Variants in VWF observed in about 807,000 individuals in gnomAD.
VWF encodes the protein von Willebrand factor, also known as Factor VIII related antigen.
Under a neutral mutation model 308.6 loss-of-function variants are expected in VWF, and 176 were observed. That is an observed-to-expected ratio of 0.57 (90% confidence interval 0.50 to 0.65). The LOEUF is 0.65. Among genes scored for constraint, VWF ranks in the 30% least tolerant of loss-of-function variants. The pLI is 0.00. For missense variants in VWF, 3,146 were observed against 3,648.2 expected (o/e 0.86, Z 3.55); for synonymous variants, 1,385 against 1,443.4 (o/e 0.96, Z 0.92).
chr12:6,000,545 C>T (rs767577491), intron 34 of VWF, among the ~76,000 whole-genome samples: 5 of 152,056 alleles, frequency 3.3e-5, no homozygotes, highest in Non-Finnish European at 5.9e-5. Flanking sequence ...CGGTGGCTCA[C>T]GCCTGGAATC....
At position 6,037,697 on chromosome 12, in the gene VWF, G is replaced by A. The variant is rs543103534; in HGVS notation, c.2443-1206C>T. 5.9e-5 allele frequency among the ~76,000 whole-genome samples: 9 copies of A among 152,282 alleles called. No individual in the cohort carries two copies. The East Asian group carries it at 1.7e-3, about 29-fold the overall frequency. On this transcript the variant is annotated intron_variant, in intron 18 of 51. Transcript: ENST00000261405. ...AGGCCTGGGTCACCCCCAGGTGAAGGACTGTGGCACCTTGGCTCCAGAGCT... is the reference window on the plus strand; with the variant it reads ...AGGCCTGGGTCACCCCCAGGTGAAGAACTGTGGCACCTTGGCTCCAGAGCT...
intron 6 of VWF, among the ~76,000 whole-genome samples, chr12:6,078,506 A>G (rs1944870224): frequency 6.6e-6 from 1 of 152,216 alleles, no homozygotes; most frequent in Non-Finnish European, 1.5e-5. Flanking sequence ...AGGGTGTCCC[A>G]GAGAGGGTCA....
chr12:6,070,910 C>T (rs1384551489), intron 10 of VWF, among the ~76,000 whole-genome samples: 1 of 152,212 alleles, frequency 6.6e-6, no homozygotes, highest in African/African-American at 2.4e-5. Context: ...ACTGTCCCTT[C>T]AAGCCTAAAG....
chr12:6,120,613 C>T (rs1212757431), intron 3 of VWF, among the ~76,000 whole-genome samples: 3 of 152,072 alleles, frequency 2.0e-5, no homozygotes, highest in Non-Finnish European at 4.4e-5. Flanking sequence ...TCAGCTCCAC[C>T]TTTTATTGTC....
At chr12:6,106,649 C>T (rs147612002) in intron 5 of VWF, among the ~76,000 whole-genome samples, 53 of 151,990 alleles carry the variant, frequency 3.5e-4, no homozygotes, top group Middle Eastern at 3.4e-3. Flanking sequence ...TAAGCGGAGG[C>T]GGATCACCTG....
intron 8 of VWF, among the ~76,000 whole-genome samples, chr12:6,073,298 TC>T (rs1485350055): frequency 1.3e-5 from 2 of 152,152 alleles, no homozygotes; most frequent in Admixed American, 1.3e-4. Context: ...CCAGATCGGT[TC>T]CCTGACACAC....
intron 6 of VWF, among the ~76,000 whole-genome samples, chr12:6,088,407 A>G (rs193083544): frequency 0.011 from 1,585 of 148,486 alleles, 35 homozygotes; most frequent in African/African-American, 0.035. Flanking sequence ...TGAACCCGGG[A>G]GGCGGAGCTT....
Position 5,993,851 on chromosome 12 carries a change from T to TG in VWF, c.6598+10dup, listed in dbSNP as rs1354615271. 2 of 1,611,836 alleles carry TG rather than the reference T, an allele frequency of 1.2e-6. No individual in the cohort carries two copies. Among genetic ancestry groups the TG allele is most frequent in the South Asian group, 2.2e-5 (2 of 91,054 alleles). On this transcript the variant is annotated intron_variant, in intron 37 of 51. Coordinates refer to ENST00000261405, the MANE Select transcript of VWF (RefSeq NM_000552.5). ...GTCTCCAGGATTTTCAGAGGTAACTTGGAGACTCACCACAGAAATCAGGTG... is the reference window on the plus strand; with the variant it reads ...GTCTCCAGGATTTTCAGAGGTAACTTGGGAGACTCACCACAGAAATCAGGTG...
At chr12:6,093,826 GT>G (rs1945076760) in intron 6 of VWF, among the ~76,000 whole-genome samples, 1 of 152,228 alleles carries the variant, frequency 6.6e-6, no homozygotes, top group South Asian at 2.1e-4. Flanking sequence ...TGAAGGCAGA[GT>G]GTGGTCTGGC....
intron 30 of VWF, 126 bp from the exon 31 acceptor site, chr12:6,016,358 G>C (rs1944056805): frequency 6.7e-7 from 1 of 1,490,688 alleles, no homozygotes; most frequent in African/African-American, 1.4e-5. Flanking sequence ...ACCCAGTTGA[G>C]ATCTGGAGAG....
intron 5 of VWF, among the ~76,000 whole-genome samples, chr12:6,108,372 A>T (rs1591923072): frequency 9.6e-6 from 1 of 104,378 alleles, no homozygotes; most frequent in Non-Finnish European, 2.5e-5. Flanking sequence ...CACACAAAGC[A>T]AAATTTGACA....
intron 34 of VWF, among the ~76,000 whole-genome samples, chr12:6,007,778 C>G (rs1739867950): frequency 6.6e-6 from 1 of 151,780 alleles, no homozygotes; most frequent in South Asian, 2.1e-4. Context: ...TTTTAAAGGT[C>G]AACAAAATTA....
At chr12:6,026,173 G>C (rs1309950430) in intron 22 of VWF, 127 bp from the exon 23 acceptor site, 2 of 1,374,296 alleles carry the variant, frequency 1.5e-6, no homozygotes, top group African/African-American at 1.4e-5. Flanking sequence ...GGAGGAGCGG[G>C]ACAGAGACTC....
intron 10 of VWF, among the ~76,000 whole-genome samples, chr12:6,066,409 T>C (rs892757507): frequency 1.3e-5 from 2 of 152,152 alleles, no homozygotes; most frequent in Non-Finnish European, 2.9e-5. Context: ...AAAAGAAATA[T>C]ATATAGAGAG....
Position 6,071,301 on chromosome 12 carries a change from A to G in VWF, c.1152T>C (p.Cys384=), listed in dbSNP as rs1468660629. The change falls in exon 10 of 52, where the codon TGT becomes TGC. Residue 384 remains cysteine, a synonymous_variant. Transcript: ENST00000261405. The part of the protein sequence containing the change: ...NSQWICSNEE[C]PGECLVTGQS... ...AATGAGCGGCAGGTCGCCTACCTGGACATTCTTCATTGCTGCAGATCCACT... is the reference window on the plus strand; with the variant it reads ...AATGAGCGGCAGGTCGCCTACCTGGGCATTCTTCATTGCTGCAGATCCACT... 6.2e-7 allele frequency: 1 copy of G among 1,614,166 alleles called. No individual in the cohort carries two copies. Among genetic ancestry groups the G allele is most frequent in the African/African-American group, 1.3e-5 (1 of 75,066 alleles).
Position 6,063,206 on chromosome 12 carries a change from A to T in VWF, c.1433-152T>A. 1.4e-6 allele frequency: 1 copy of T among 706,206 alleles called. No individual in the cohort carries two copies. Among genetic ancestry groups the T allele is most frequent in the Non-Finnish European group, 2.5e-6 (1 of 399,752 alleles). 43.7% of individuals were successfully genotyped at this position (706,206 alleles called of 1,614,324 possible). ...GCAGATGGGGTGGCCATGAGGTTTA[A>T]GGGGGTGTCAGGAGGAAGGGTGATC... On this transcript the variant is annotated intron_variant, in intron 12 of 51. Coordinates refer to ENST00000261405, the MANE Select transcript of VWF (RefSeq NM_000552.5). This position sits in a 1 kb window ranked among gnomAD's most constrained non-coding sequence, Gnocchi z 4.9.
rs67479635 is a variant in VWF, at chr12:6,018,060, A to ATT, written c.5053+303_5053+304dup. ...GGCTGTGTGATAAAGTAAGACTTGC[A>ATT]TTTTTTTTTTTTTTTTACTCCTTAT... On this transcript the variant is annotated intron_variant, in intron 28 of 51. Transcript: ENST00000261405. Among the ~76,000 whole-genome samples the ATT allele has an allele frequency of 1.6e-3, 237 of 146,494 alleles. 1 individual carries two copies. Among genetic ancestry groups the ATT allele is most frequent in the African/African-American group, 5.5e-3 (218 of 39,974 alleles).
Position 6,063,076 on chromosome 12 carries a change from C to G in VWF, c.1433-22G>C. On this transcript the variant is annotated intron_variant, in intron 12 of 51. Transcript: ENST00000261405. The surrounding 1 kb of genome is among the most constrained non-coding windows in gnomAD (Gnocchi z 4.9). ...TCACCTGGAACCCAGCAGGACAGGA[C>G]TCAGGCAGAGGTGGGGAGAGGACAG... 4 of 1,606,822 alleles carry G rather than the reference C, an allele frequency of 2.5e-6. No individual in the cohort carries two copies. Among genetic ancestry groups the G allele is most frequent in the Non-Finnish European group, 3.4e-6 (4 of 1,175,342 alleles).
intron 5 of VWF, among the ~76,000 whole-genome samples, chr12:6,104,779 A>C (rs1001502401): frequency 6.6e-6 from 1 of 152,190 alleles, no homozygotes; most frequent in African/African-American, 2.4e-5. Context: ...AGAAATCAAT[A>C]TATCAAAAAT....
Sources: gnomAD v4.1 joint callset for allele counts (sites outside exome capture counted in the v4.1 genomes callset) on GRCh38, gnomAD v4.1.1 for gene constraint, Gnocchi (gnomAD v3.1) non-coding constraint, MANE v1.5 for transcripts, NCBI Gene and HGNC (gene_info 2026-07-23, HGNC 2026-07-21) for gene names.